The following DTX1 variants were observed in gnomAD, a reference collection of about 807,000 sequenced individuals.
DTX1 encodes the protein deltex E3 ubiquitin ligase 1, also known as E3 ubiquitin-protein ligase DTX1.
DTX1 carries 26 observed loss-of-function variants against 57.8 expected under a neutral mutation model. That is an observed-to-expected ratio of 0.45 (90% CI 0.33 to 0.62). The LOEUF (loss-of-function observed/expected upper bound fraction) is 0.62. Ranked by LOEUF, DTX1 falls within the 20% of genes least tolerant of loss-of-function variation. The probability of loss-of-function intolerance (pLI) is 0.02; values close to 1 mark genes in which losing one functional copy is unlikely to be tolerated. For missense variants in DTX1, 704 were observed against 895.3 expected (o/e 0.79, Z 2.73); for synonymous variants, 398 against 394.1 (o/e 1.01, Z -0.12).
chr12:113,059,415 T>C (rs949074400), intron 2 of DTX1, among the ~76,000 whole-genome samples: 1 of 152,056 alleles, frequency 6.6e-6, no homozygotes, highest in East Asian at 1.9e-4. Flanking sequence ...GTATTGGTGA[T>C]CCTGTTGTGG....
At chr12:113,075,911 T>C (rs1185499004) in intron 2 of DTX1, among the ~76,000 whole-genome samples, 2 of 152,048 alleles carry the variant, frequency 1.3e-5, no homozygotes, top group African/African-American at 4.8e-5. Context: ...GCTGGGGATA[T>C]AGCAGTAAAT....
At chr12:113,094,421 T>C (rs1950270536) in intron 6 of DTX1, among the ~76,000 whole-genome samples, 1 of 151,942 alleles carries the variant, frequency 6.6e-6, no homozygotes. Flanking sequence ...GAATTCAATA[T>C]ATGGGAAGGG....
At chr12:113,061,565 C>G (rs2044663605) in intron 2 of DTX1, among the ~76,000 whole-genome samples, 1 of 152,204 alleles carries the variant, frequency 6.6e-6, no homozygotes, top group African/African-American at 2.4e-5. Flanking sequence ...GATCACCTCT[C>G]CAGCAGGGTT....
At chr12:113,062,549 C>T (rs975812606) in intron 2 of DTX1, among the ~76,000 whole-genome samples, 1 of 152,182 alleles carries the variant, frequency 6.6e-6, no homozygotes, top group Non-Finnish European at 1.5e-5. Flanking sequence ...GTTCACTGAC[C>T]CCTGCCCCAC....
rs1950260625 is a variant in DTX1, at chr12:113,093,289, C to T, written c.1003+66C>T. The stretch of plus-strand genomic sequence containing the variant: ...CTAGGAGGCAGCTCCGCCTGTCACC[C>T]GGTGACCCCGCCCCCGAGATGGGCT... On this transcript the variant is annotated intron_variant, in intron 4 of 9. Transcript: ENST00000548759. This position sits in a 1 kb window ranked among gnomAD's most constrained non-coding sequence, Gnocchi z 4.2. The T allele has an allele frequency of 4.0e-6, 6 of 1,510,236 alleles. No homozygotes were observed. Among genetic ancestry groups the T allele is most frequent in the African/African-American group, 2.8e-5 (2 of 72,058 alleles). 93.6% of individuals were successfully genotyped at this position (1,510,236 alleles called of 1,614,324 possible).
In DTX1 at chr12:113,084,253, G is replaced by A. The variant is rs956909764; in HGVS notation, c.941+6148G>A. Among the ~76,000 whole-genome samples, 145 of 152,228 alleles carry A rather than the reference G, an allele frequency of 9.5e-4. 1 individual carries two copies. Among genetic ancestry groups the A allele is most frequent in the Non-Finnish European group, 6.8e-4 (46 of 68,042 alleles). On this transcript the variant is annotated intron_variant, in intron 3 of 9. Transcript: ENST00000548759. ...CCCCTGAGGGGTCAGTGTCCAGTGC[G>A]TTGGAACACAGCTGTGGAGCAGAGG...
intron 3 of DTX1, among the ~76,000 whole-genome samples, chr12:113,084,503 A>G (rs2136062932): frequency 6.6e-6 from 1 of 152,242 alleles, no homozygotes; most frequent in East Asian, 1.9e-4. Flanking sequence ...CTCCTGCCTC[A>G]GCCTCCTAAG....
intron 3 of DTX1, among the ~76,000 whole-genome samples, chr12:113,091,896 C>A (rs1950251352): frequency 6.6e-6 from 1 of 152,208 alleles, no homozygotes; most frequent in Non-Finnish European, 1.5e-5. Flanking sequence ...CCCTCTTCAT[C>A]AGAACGTATC....
chr12:113,093,207 C>G lies in DTX1; in HGVS notation c.987C>G (p.Val329=), dbSNP rs759329934. The change falls in exon 4 of 10, where the codon GTC becomes GTG. Residue 329 remains valine (V), a synonymous_variant. Transcript: ENST00000548759. The surrounding 1 kb of genome is among the most constrained non-coding windows in gnomAD (Gnocchi z 4.2). The part of the protein sequence containing the change: ...PVKNLNGTGP[V]HPALAGMTGI... ...AGAACTTGAATGGTACTGGGCCGGT[C>G]CATCCGGCCCTGGCAGGTGAGGTCT... is the stretch of plus-strand genomic sequence containing the variant. 12 of 1,596,040 alleles carry G rather than the reference C, an allele frequency of 7.5e-6. No homozygotes were observed. The highest frequency in any genetic ancestry group is 9.4e-6 in the Non-Finnish European group (11 of 1,171,892).
In DTX1 at chr12:113,097,140, A is replaced by G. The variant is rs1035565462; in HGVS notation, c.*201A>G. On this transcript the variant is annotated 3_prime_UTR_variant, in exon 10 of 10. Transcript: ENST00000548759. ...GCTGGCCCCGAATCATAGCTCCCTG[A>G]GAGGGCCAAGCAGAGAGTACTGGAA... The G allele has an allele frequency of 8.2e-6, 5 of 613,176 alleles. No individual in the cohort carries two copies. The highest frequency in any genetic ancestry group is 1.4e-5 in the Non-Finnish European group (5 of 353,948). 38.0% of individuals were successfully genotyped at this position (613,176 alleles called of 1,614,324 possible).
At chr12:113,078,653 A>C (rs1358984851) in intron 3 of DTX1, among the ~76,000 whole-genome samples, 2 of 152,140 alleles carry the variant, frequency 1.3e-5, no homozygotes, top group African/African-American at 2.4e-5. Flanking sequence ...GGAAGGGTAG[A>C]CATTGGAGTC....
intron 2 of DTX1, among the ~76,000 whole-genome samples, chr12:113,069,948 CACTT>C (rs1488560143): frequency 2.6e-5 from 4 of 152,154 alleles, no homozygotes; most frequent in Non-Finnish European, 5.9e-5. Context: ...TCAGCCATGT[CACTT>C]ACTTACCATG....
chr12:113,057,641 G>A lies in DTX1; in HGVS notation c.-552G>A, dbSNP rs2044636007. The A allele has an allele frequency of 1.9e-5, 3 of 155,374 alleles. No individual in the cohort carries two copies. The highest frequency in any genetic ancestry group is 1.2e-4 in the Admixed American group (2 of 16,066). The allele number at this position is 155,374 out of a possible 1,614,324, so 9.6% of individuals were successfully genotyped here. ...GGAGAGGGAACAAGGGGGCAGGGAC[G>A]CCCCCTTCGGCAGGAGCCGTCGGAG... On this transcript the variant is annotated 5_prime_UTR_variant, in exon 2 of 10. Coordinates refer to ENST00000548759, the MANE Select transcript of DTX1 (RefSeq NM_004416.3).
At chr12:113,079,699 T>TGC (rs1415997895) in intron 3 of DTX1, among the ~76,000 whole-genome samples, 1 of 71,614 alleles carries the variant, frequency 1.4e-5, no homozygotes, top group Admixed American at 1.2e-4. Flanking sequence ...GGCTACTGTG[T>TGC]GTGTGTGTGT....
Position 113,057,812 on chromosome 12 carries a change from G to C in DTX1, c.-381G>C. 4.8e-6 allele frequency: 1 copy of C among 208,132 alleles called. No individual in the cohort carries two copies. The highest frequency in any genetic ancestry group is 9.7e-6 in the Non-Finnish European group (1 of 102,844). 12.9% of individuals were successfully genotyped at this position (208,132 alleles called of 1,614,324 possible). On this transcript the variant is annotated 5_prime_UTR_variant, in exon 2 of 10. Transcript: ENST00000548759. ...GCCTCCTGGGTGACAGGCCCTGTCT[G>C]GCGGGGAAGAGGGACCAAGAGACAA...
At position 113,057,548 on chromosome 12, in the gene DTX1, G is replaced by T. The variant is rs1248696698; in HGVS notation, c.-645G>T. 1.4e-5 allele frequency: 2 copies of T among 142,574 alleles called. No homozygotes were observed. Among genetic ancestry groups the T allele is most frequent in the Non-Finnish European group, 3.1e-5 (2 of 65,130 alleles). The allele number at this position is 142,574 out of a possible 1,614,324, so 8.8% of individuals were successfully genotyped here. A position where few individuals can be genotyped will look rare whatever the true frequency, so the allele number is the denominator to read the frequency against. ...TCCGGAGCCGCAGTCCAGGCGCGCCGCCCGAGGGTCCACGCCGCACCCCTC... is the reference window on the plus strand; with the variant it reads ...TCCGGAGCCGCAGTCCAGGCGCGCCTCCCGAGGGTCCACGCCGCACCCCTC... On this transcript the variant is annotated 5_prime_UTR_variant, in exon 2 of 10. Transcript: ENST00000548759.
chr12:113,064,443 G>A lies in DTX1; in HGVS notation c.259+5992G>A, dbSNP rs111503931. Among the ~76,000 whole-genome samples, 324 of 152,322 alleles carry A rather than the reference G, an allele frequency of 2.1e-3. 4 individuals carry two copies. The highest frequency in any genetic ancestry group is 7.1e-3 in the African/African-American group (295 of 41,568). On this transcript the variant is annotated intron_variant, in intron 2 of 9. Transcript: ENST00000548759. ...GTACCAGGTCCTGGGCTGGGTCTTG[G>A]GGACTCAGAGAGAAGGGCAAAATCC... is the stretch of plus-strand genomic sequence containing the variant.
At chr12:113,057,145 GC>G (rs939732852) in intron 1 of DTX1, among the ~76,000 whole-genome samples, 3 of 151,950 alleles carry the variant, frequency 2.0e-5, no homozygotes, top group African/African-American at 7.2e-5. Context: ...GCATCCCCGT[GC>G]TTCCCGGCGC....
In DTX1 at chr12:113,094,856, G is replaced by T. The variant is rs748267457; in HGVS notation, c.1295G>T (p.Gly432Val). ...SGYEGVLRHKGVRPELVGRLG... is the reference protein window; with the variant it reads ...SGYEGVLRHKVVRPELVGRLG... ...TACGAGGGCGTGCTTCGGCACAAGGGCGTGCGGCCTGAGCTCGTGGGCCGC... is the reference window on the plus strand; with the variant it reads ...TACGAGGGCGTGCTTCGGCACAAGGTCGTGCGGCCTGAGCTCGTGGGCCGC... Residue 432 changes from glycine to valine, a missense_variant, in exon 7 of 10, where the codon GGC becomes GTC. Transcript: ENST00000548759. 9 of 1,613,718 alleles carry T rather than the reference G, an allele frequency of 5.6e-6. No homozygotes were observed. Among genetic ancestry groups the T allele is most frequent in the Middle Eastern group, 1.6e-4 (1 of 6,074 alleles).
Sources: gnomAD v4.1 joint callset for allele counts (sites outside exome capture counted in the v4.1 genomes callset) on GRCh38, gnomAD v4.1.1 for gene constraint, Gnocchi (gnomAD v3.1) non-coding constraint, MANE v1.5 for transcripts, NCBI Gene and HGNC (gene_info 2026-07-23, HGNC 2026-07-21) for gene names.